KIF26A: variants seen among roughly 807,000 people sequenced by gnomAD.
KIF26A encodes the protein kinesin-like protein KIF26A.
In KIF26A, 74 loss-of-function variants were observed where a neutral mutation model predicts 126.0. The observed-to-expected ratio is 0.59, with a 90% CI of 0.49 to 0.71. KIF26A has a LOEUF of 0.71. KIF26A is among the 30% of genes least tolerant of loss of function. The pLI, the probability that KIF26A is intolerant of heterozygous loss-of-function variation, is 0.00. For missense variants in KIF26A, 2,984 were observed against 2,763.3 expected (o/e 1.08, Z -1.79); for synonymous variants, 1,445 against 1,232.7 (o/e 1.17, Z -3.61).
chr14:104,177,314 G>T lies in KIF26A; in HGVS notation c.4526G>T (p.Arg1509Leu). 1 of 1,536,566 alleles carries T rather than the reference G, an allele frequency of 6.5e-7. No homozygotes were observed. Among genetic ancestry groups the T allele is most frequent in the Non-Finnish European group, 8.7e-7 (1 of 1,145,954 alleles). ...KGRGLVAGGSRALGPSVKLST... is the reference protein window; with the variant it reads ...KGRGLVAGGSLALGPSVKLST... ...CGTGGCCTAGTGGCTGGTGGGTCGC[G>T]GGCTCTGGGGCCTTCGGTGAAGCTG... Residue 1509 changes from arginine to leucine, a missense_variant, in exon 12 of 15, where the codon CGG (arginine) becomes CTG (leucine). By Grantham distance (102) the Arg-to-Leu change is moderately radical (BLOSUM62 -2). Transcript: ENST00000423312.
chr14:104,176,600 C>T lies in KIF26A; in HGVS notation c.3812C>T (p.Pro1271Leu), dbSNP rs775798624. 6.2e-7 allele frequency: 1 copy of T among 1,609,092 alleles called. No individual in the cohort carries two copies. Among genetic ancestry groups the T allele is most frequent in the African/African-American group, 1.3e-5 (1 of 75,040 alleles). The part of the protein sequence containing the change: ...PSPTLGSPRL[P>L]EAQVMLACAQ... The stretch of plus-strand genomic sequence containing the variant: ...CCCACACTTGGCTCCCCCCGGCTGC[C>T]TGAGGCCCAGGTGATGCTAGCCTGT... The change falls in exon 12 of 15, where the codon CCT becomes CTT. Residue 1271 changes from proline (P) to leucine (L), a missense_variant. Coordinates refer to ENST00000423312, the MANE Select transcript of KIF26A (RefSeq NM_015656.2).
chr14:104,138,649 A>T lies in KIF26A; in HGVS notation c.-74A>T, dbSNP rs2141084744. ...GGCCATGGGGGCGCCTCGGGGCCGG[A>T]TCACGTAGCCGCGGCGCCCCCGGAG... On this transcript the variant is annotated 5_prime_UTR_variant, in exon 1 of 15. Transcript: ENST00000423312. The T allele has an allele frequency of 8.5e-7, 1 of 1,175,572 alleles. No individual in the cohort carries two copies. Among genetic ancestry groups the T allele is most frequent in the Admixed American group, 4.3e-5 (1 of 23,406 alleles). The allele number at this position is 1,175,572 out of a possible 1,614,324, so 72.8% of individuals were successfully genotyped here.
In KIF26A at chr14:104,179,843, G is replaced by C; in HGVS notation, c.*53G>C. 1 of 1,459,814 alleles carries C rather than the reference G, an allele frequency of 6.9e-7. No individual in the cohort carries two copies. The allele number at this position is 1,459,814 out of a possible 1,614,324, so 90.4% of individuals were successfully genotyped here. ...CGTGCAGCGGGCTGGAGGACGGGAC[G>C]TGGGACGGAGCGAGGATGTGGTGGG... On this transcript the variant is annotated 3_prime_UTR_variant, in exon 15 of 15. Coordinates refer to ENST00000423312, the MANE Select transcript of KIF26A (RefSeq NM_015656.2).
chr14:104,149,130 GTGTC>G (rs1054616742), intron 2 of KIF26A, among the ~76,000 whole-genome samples: 3 of 152,168 alleles, frequency 2.0e-5, no homozygotes, highest in African/African-American at 7.2e-5. Context: ...GTCCCATCCA[GTGTC>G]TTGCTGTGTT....
intron 5 of KIF26A, among the ~76,000 whole-genome samples, chr14:104,167,685 G>A (rs1033795871): frequency 2.0e-5 from 3 of 152,186 alleles, no homozygotes; most frequent in African/African-American, 7.2e-5. Flanking sequence ...TGTGCTGGGA[G>A]CTGGCAGTGC....
Position 104,166,479 on chromosome 14 carries a change from G to A in KIF26A, c.924-380G>A, listed in dbSNP as rs528879150. 4.6e-5 allele frequency among the ~76,000 whole-genome samples: 7 copies of A among 152,270 alleles called. No homozygotes were observed. In the South Asian group the frequency reaches 1.5e-3, roughly 32 times the overall value. On this transcript the variant is annotated intron_variant, in intron 4 of 14. Coordinates refer to ENST00000423312, the MANE Select transcript of KIF26A (RefSeq NM_015656.2). ...GCTGTGCATGGCTGCCCACAGCCTG[G>A]GCATCGGGTGGGAGCAGCTTTCACT...
At position 104,175,823 on chromosome 14, in the gene KIF26A, G is replaced by A; in HGVS notation, c.3035G>A (p.Gly1012Asp). The change falls in exon 12 of 15, where the codon GGC becomes GAC. Residue 1012 changes from glycine (G) to aspartate (D), a missense_variant. By Grantham distance (94) the Gly-to-Asp change is moderately conservative. Coordinates refer to ENST00000423312, the MANE Select transcript of KIF26A (RefSeq NM_015656.2). ...LAAGSRCPER[G>D]LLTTTVTLQR... ...GCTGGCAGTCGCTGTCCGGAGCGGG[G>A]CCTGCTCACCACCACAGTGACCCTG... The A allele has an allele frequency of 1.9e-6, 3 of 1,538,686 alleles. No homozygotes were observed. The highest frequency in any genetic ancestry group is 2.6e-6 in the Non-Finnish European group (3 of 1,147,080).
chr14:104,155,153 T>C (rs1256723624), intron 3 of KIF26A, among the ~76,000 whole-genome samples: 2 of 152,108 alleles, frequency 1.3e-5, no homozygotes, highest in Admixed American at 6.5e-5. Context: ...CCCTGGCCGC[T>C]CCTCAGCCCC....
chr14:104,178,658 G>A lies in KIF26A; in HGVS notation c.5219G>A (p.Gly1740Asp), dbSNP rs1479539527. ...GTGGACCTGCCCCCGCCCCTGGCTG[G>A]CTCCCTGAAGGAGCCGTTCGAGATC... ...QWVDLPPPLA[G>D]SLKEPFEIKV... is the part of the protein sequence containing the mutation. Residue 1740 changes from glycine to aspartate, a missense_variant, in exon 13 of 15, where the codon GGC (glycine) becomes GAC (aspartate). Transcript: ENST00000423312. 6 of 1,556,034 alleles carry A rather than the reference G, an allele frequency of 3.9e-6. No individual in the cohort carries two copies. Among genetic ancestry groups the A allele is most frequent in the Non-Finnish European group, 4.3e-6 (5 of 1,150,818 alleles).
chr14:104,171,187 C>T (rs1047209780), intron 5 of KIF26A, among the ~76,000 whole-genome samples: 1 of 152,274 alleles, frequency 6.6e-6, no homozygotes, highest in Admixed American at 6.5e-5. Context: ...CACAGGGTGC[C>T]AGGGTTCGGT....
intron 9 of KIF26A, 88 bp from the exon 10 acceptor site, chr14:104,173,618 T>G: frequency 6.5e-7 from 1 of 1,534,182 alleles, no homozygotes; most frequent in Non-Finnish European, 8.8e-7. Context: ...TCCCTGGGGT[T>G]GTCCCCAGCT....
chr14:104,173,544 T>C (rs1358933936), intron 9 of KIF26A, 31 bp downstream of exon 9: 1 of 1,521,032 alleles, frequency 6.6e-7, no homozygotes. Flanking sequence ...CCCGGGCCCC[T>C]GTGGGATGCG....
intron 6 of KIF26A, 66 bp from the exon 7 acceptor site, chr14:104,172,509 C>A: frequency 8.1e-7 from 1 of 1,238,692 alleles, no homozygotes; most frequent in South Asian, 1.3e-5. Flanking sequence ...GACAGACCGG[C>A]CTCAGGCCCA....
Position 104,171,754 on chromosome 14 carries a change from A to C in KIF26A, c.1145A>C (p.Gln382Pro). The change falls in exon 6 of 15, where the codon CAG (glutamine) becomes CCG (proline). Residue 382 changes from glutamine (Q) to proline (P), a missense_variant. By Grantham distance (76) the Gln-to-Pro change is moderately conservative. Transcript: ENST00000423312. ...GTTATGCTGCGGATCTGGCCCGCAC[A>C]GGGGGCCCAGCGCTCGGCCGAGGCC... ...VKVMLRIWPA[Q>P]GAQRSAEAMS... is the part of the protein sequence containing the mutation. The C allele has an allele frequency of 6.3e-7, 1 of 1,580,098 alleles. No individual in the cohort carries two copies. The highest frequency in any genetic ancestry group is 8.6e-7 in the Non-Finnish European group (1 of 1,164,280).
chr14:104,150,482 G>A (rs996075142), intron 2 of KIF26A, among the ~76,000 whole-genome samples: 2 of 151,888 alleles, frequency 1.3e-5, no homozygotes, highest in Admixed American at 6.6e-5. Flanking sequence ...CATGATTGCC[G>A]CACATGCTTG....
Position 104,148,006 on chromosome 14 carries a change from G to A in KIF26A, c.289-4009G>A, listed in dbSNP as rs952421567. ...CGTGGCGTCTCTGAACTGGGAGCAG[G>A]ACTCCCCTCGCTGTCCCAGGGTGGC... On this transcript the variant is annotated intron_variant, in intron 2 of 14. Coordinates refer to ENST00000423312, the MANE Select transcript of KIF26A (RefSeq NM_015656.2). The surrounding 1 kb of genome is among the most constrained non-coding windows in gnomAD (Gnocchi z 4.3). Among the ~76,000 whole-genome samples, 1 of 152,196 alleles carries A rather than the reference G, an allele frequency of 6.6e-6. No homozygotes were observed. Among genetic ancestry groups the A allele is most frequent in the Admixed American group, 6.5e-5 (1 of 15,280 alleles).
chr14:104,179,815 G>C lies in KIF26A; in HGVS notation c.*25G>C, dbSNP rs373048166. ...AGGCTGGGCGCCGGACAAGAGGAGG[G>C]GGCGTGCAGCGGGCTGGAGGACGGG... On this transcript the variant is annotated 3_prime_UTR_variant, in exon 15 of 15. Coordinates refer to ENST00000423312, the MANE Select transcript of KIF26A (RefSeq NM_015656.2). 6.7e-7 allele frequency: 1 copy of C among 1,501,998 alleles called. No homozygotes were observed. Among genetic ancestry groups the C allele is most frequent in the Non-Finnish European group, 8.9e-7 (1 of 1,125,722 alleles). 93.0% of individuals were successfully genotyped at this position (1,501,998 alleles called of 1,614,324 possible).
At chr14:104,154,327 G>A (rs2037757409) in intron 3 of KIF26A, among the ~76,000 whole-genome samples, 1 of 152,156 alleles carries the variant, frequency 6.6e-6, no homozygotes, top group Non-Finnish European at 1.5e-5. Flanking sequence ...CTTTGGCCTC[G>A]GCCGAGGCTT....
At chr14:104,139,312 AC>A (rs1389852698) in intron 2 of KIF26A, 24 bp downstream of exon 2, 2 of 1,444,346 alleles carry the variant, frequency 1.4e-6, no homozygotes, top group Non-Finnish European at 1.8e-6. Flanking sequence ...CCTTAGGCCG[AC>A]CCCTCCGAGC....
Sources: gnomAD v4.1 joint callset for allele counts (sites outside exome capture counted in the v4.1 genomes callset) on GRCh38, gnomAD v4.1.1 for gene constraint, Gnocchi (gnomAD v3.1) non-coding constraint, MANE v1.5 for transcripts, NCBI Gene and HGNC (gene_info 2026-07-23, HGNC 2026-07-21) for gene names.